The following ESRP1 variants were observed in gnomAD, a reference collection of about 807,000 sequenced individuals.
ESRP1 encodes epithelial splicing regulatory protein 1.
A neutral mutation model predicts 81.7 loss-of-function variants in ESRP1; 33 were observed. That is an observed-to-expected ratio of 0.40 (90% confidence interval 0.31 to 0.54). The LOEUF (loss-of-function observed/expected upper bound fraction) is 0.54. Ranked by LOEUF, ESRP1 falls within the 20% of genes least tolerant of loss-of-function variation. ESRP1 has a pLI of 0.41. For missense variants in ESRP1, 672 were observed against 833.1 expected, an observed-to-expected ratio of 0.81 and a Z score of 2.38; for synonymous variants, 320 against 303.3, an observed-to-expected ratio of 1.06 and a Z score of -0.57.
intron 15 of ESRP1, 80 bp downstream of exon 15, chr8:94,697,041 G>A: frequency 1.1e-6 from 1 of 898,040 alleles, no homozygotes; most frequent in Non-Finnish European, 1.7e-6. Context: ...GAAATCAACT[G>A]AGAGAATCCT....
chr8:94,684,217 T>C (rs1311287201), intron 13 of ESRP1, among the ~76,000 whole-genome samples: 3 of 152,172 alleles, frequency 2.0e-5, no homozygotes, highest in East Asian at 1.9e-4. Flanking sequence ...TTGGGTGAGA[T>C]AGATTGTTGG....
At position 94,662,486 on chromosome 8, in the gene ESRP1, T is replaced by C. The variant is rs773962813; in HGVS notation, c.590-15T>C. On this transcript the variant is annotated splice_polypyrimidine_tract_variant and intron_variant, in intron 5 of 15. Coordinates refer to ENST00000433389, the MANE Select transcript of ESRP1 (RefSeq NM_017697.4). ...CTAATCACTAAAATGATGACTTTTA[T>C]GTTCTCATTTTTAGATCACAGGTTT... 6.3e-7 allele frequency: 1 copy of C among 1,596,746 alleles called. No individual in the cohort carries two copies. Among genetic ancestry groups the C allele is most frequent in the African/African-American group, 1.3e-5 (1 of 74,694 alleles).
chr8:94,675,174 G>A (rs1423670967), intron 12 of ESRP1, among the ~76,000 whole-genome samples: 4 of 112,298 alleles, frequency 3.6e-5, no homozygotes, highest in Admixed American at 9.0e-5. Context: ...TGTAGTCTAC[G>A]AAGTTCTAGT....
chr8:94,674,392 A>T lies in ESRP1; in HGVS notation c.1537A>T (p.Met513Leu), dbSNP rs1334472219. The change falls in exon 12 of 16, where the codon ATG becomes TTG. Residue 513 changes from methionine to leucine, a missense_variant. Met to Leu is a conservative substitution (Grantham distance 15). Coordinates refer to ENST00000433389, the MANE Select transcript of ESRP1 (RefSeq NM_017697.4). ...TGCACAGAAGTGTCATAAAAAAAACATGAAGGACAGATATGTTGAAGTCTT... is the reference window on the plus strand; with the variant it reads ...TGCACAGAAGTGTCATAAAAAAAACTTGAAGGACAGATATGTTGAAGTCTT... ...MAAQKCHKKN[M>L]KDRYVEVFQC... 1 of 1,613,936 alleles carries T rather than the reference A, an allele frequency of 6.2e-7. No homozygotes were observed. The highest frequency in any genetic ancestry group is 1.3e-5 in the African/African-American group (1 of 74,944).
chr8:94,641,878 C>A (rs1817615932), intron 1 of ESRP1, 78 bp from the exon 2 acceptor site: 2 of 1,574,850 alleles, frequency 1.3e-6, no homozygotes, highest in Non-Finnish European at 1.7e-6. Context: ...GCCGCCCCAG[C>A]AGGGGAGCGA....
chr8:94,667,068 G>GGTGGGTGT (rs1819055321), intron 9 of ESRP1, among the ~76,000 whole-genome samples: 1 of 144,244 alleles, frequency 6.9e-6, no homozygotes, highest in Admixed American at 6.9e-5. Context: ...CCAGGAGAGG[G>GGTGGGTGT]GTGTGTGTGT....
chr8:94,678,953 C>T (rs1273752049), intron 13 of ESRP1, among the ~76,000 whole-genome samples: 1 of 152,158 alleles, frequency 6.6e-6, no homozygotes, highest in Non-Finnish European at 1.5e-5. Context: ...AGAATGTTGT[C>T]AGTCTGGGAG....
chr8:94,653,801 G>GGA (rs1213558414), intron 4 of ESRP1, among the ~76,000 whole-genome samples: 1 of 131,570 alleles, frequency 7.6e-6, no homozygotes, highest in African/African-American at 2.5e-5. Context: ...TGTATGAAAG[G>GGA]GATATATATA....
rs943397554 is a variant in ESRP1, at chr8:94,685,810, A to G, written c.1821-6867A>G. ...TCAAAAAAAAAAACCAACAAAAACA[A>G]AACAATGGGCTGGGAGCAGGTAGTC... is the stretch of plus-strand genomic sequence containing the variant. On this transcript the variant is annotated intron_variant, in intron 13 of 15. Transcript: ENST00000433389. Among the ~76,000 whole-genome samples, 4 of 152,074 alleles carry G rather than the reference A, an allele frequency of 2.6e-5. No homozygotes were observed. The South Asian group carries it at 6.2e-4, about 24-fold the overall frequency.
chr8:94,693,536 C>T (rs1052878916), intron 14 of ESRP1, among the ~76,000 whole-genome samples: 3 of 152,198 alleles, frequency 2.0e-5, no homozygotes, highest in African/African-American at 7.2e-5. Context: ...ACATAATTAC[C>T]TAAGTCTTAA....
intron 13 of ESRP1, among the ~76,000 whole-genome samples, chr8:94,678,933 T>C (rs1055121216): frequency 5.9e-5 from 9 of 152,226 alleles, no homozygotes; most frequent in African/African-American, 1.9e-4. Context: ...CATACTAGCA[T>C]ATAATGGAGA....
intron 12 of ESRP1, among the ~76,000 whole-genome samples, chr8:94,677,579 T>A (rs1005010976): frequency 6.6e-6 from 1 of 152,268 alleles, no homozygotes; most frequent in Non-Finnish European, 1.5e-5. Flanking sequence ...GTTGGATTTT[T>A]TTCTTTTTAA....
Position 94,671,467 on chromosome 8 carries a change from C to T in ESRP1, c.1248C>T (p.Phe416=), listed in dbSNP as rs775376712. Residue 416 remains phenylalanine (F), a synonymous_variant, in exon 11 of 16, where the codon TTC becomes TTT. Transcript: ENST00000433389. ...AAEVQQVLNR[F]SSAPLIPLPT... is the part of the protein sequence containing the mutation. Reference sequence around the variant, plus strand: ...TTTGAGTACAGGTGCTGAATCGATTCTCCTCGGCCCCTCTCATTCCACTTC... The same window carrying T: ...TTTGAGTACAGGTGCTGAATCGATTTTCCTCGGCCCCTCTCATTCCACTTC... 1.2e-6 allele frequency: 2 copies of T among 1,612,878 alleles called. No homozygotes were observed. Among genetic ancestry groups the T allele is most frequent in the East Asian group, 2.2e-5 (1 of 44,878 alleles).
At chr8:94,682,210 G>C (rs1315879839) in intron 13 of ESRP1, among the ~76,000 whole-genome samples, 1 of 152,024 alleles carries the variant, frequency 6.6e-6, no homozygotes, top group Non-Finnish European at 1.5e-5. Flanking sequence ...TTTTTCTTCT[G>C]ACCTCTCATT....
chr8:94,692,703 G>C lies in ESRP1; in HGVS notation c.1847G>C (p.Gly616Ala), dbSNP rs755952613. The change falls in exon 14 of 16, where the codon GGC becomes GCC. Residue 616 changes from glycine (G) to alanine (A), a missense_variant. By Grantham distance (60) the Gly-to-Ala change is moderately conservative (BLOSUM62 0). Transcript: ENST00000433389. ...PSPPGSPNSL[G>A]YFPTAANLSG... ...CCCCCAGGTTCGCCTAATAGTCTTG[G>C]CTACTTCCCTACAGCTGCTAATCTT... The C allele has an allele frequency of 5.0e-6, 8 of 1,613,748 alleles. No homozygotes were observed. The Admixed American group carries it at 1.3e-4, about 27-fold the overall frequency.
chr8:94,676,621 T>C (rs1236433482), intron 12 of ESRP1, among the ~76,000 whole-genome samples: 1 of 151,628 alleles, frequency 6.6e-6, no homozygotes, highest in Non-Finnish European at 1.5e-5. Flanking sequence ...TGCCTCAACC[T>C]CCTGAGTAGC....
intron 14 of ESRP1, among the ~76,000 whole-genome samples, chr8:94,694,165 G>T (rs1020451159): frequency 6.6e-6 from 1 of 152,276 alleles, no homozygotes; most frequent in Non-Finnish European, 1.5e-5. Flanking sequence ...AGTGAAGAAA[G>T]TTCAAAGAAA....
intron 3 of ESRP1, 59 bp from the exon 4 acceptor site, chr8:94,646,109 T>G: frequency 2.2e-6 from 2 of 915,922 alleles, no homozygotes; most frequent in Non-Finnish European, 3.4e-6. Context: ...TTCCTAATTG[T>G]GAGAGAAACA....
At chr8:94,705,141 T>C (rs561155266) in intron 15 of ESRP1, among the ~76,000 whole-genome samples, 27 of 150,332 alleles carry the variant, frequency 1.8e-4, no homozygotes, top group African/African-American at 6.6e-4. Flanking sequence ...TTTGCTGTTA[T>C]GTCATGCCTT....
Sources: gnomAD v4.1 joint callset for allele counts (sites outside exome capture counted in the v4.1 genomes callset) on GRCh38, gnomAD v4.1.1 for gene constraint, MANE v1.5 for transcripts, NCBI Gene and HGNC (gene_info 2026-07-23, HGNC 2026-07-21) for gene names.